The following ANKS6 variants were observed in gnomAD, a reference collection of about 807,000 sequenced individuals.
ANKS6 encodes ankyrin repeat and sterile alpha motif domain containing 6, also known as ankyrin repeat and SAM domain-containing protein 6.
In ANKS6, 47 loss-of-function variants were observed where a neutral mutation model predicts 77.9. The ratio of observed to expected loss-of-function variants is 0.60; its 90% CI spans 0.48 to 0.77. The LOEUF is 0.77. ANKS6 is among the 30% of genes least tolerant of loss of function. The pLI is 0.00. For missense variants in ANKS6, 1,150 were observed against 1,159.1 expected, an observed-to-expected ratio of 0.99 and a Z score of 0.11; for synonymous variants, 488 against 501.7, an observed-to-expected ratio of 0.97 and a Z score of 0.37.
In ANKS6 at chr9:98,774,048, C is replaced by T. The variant is rs751375359; in HGVS notation, c.1650G>A (p.Pro550=). ...LRNGAPLTRL[P]SDKLKAVIPP... ...GGATGACTGCTTTCAGCTTGTCACT[C>T]GGGAGTCTGGTGAGGGGAGCTCCGT... Residue 550 remains proline, a synonymous_variant, in exon 9 of 15, where the codon CCG becomes CCA. Transcript: ENST00000353234. 1.0e-5 allele frequency: 16 copies of T among 1,546,852 alleles called. No homozygotes were observed. Among genetic ancestry groups the T allele is most frequent in the South Asian group, 9.7e-5 (8 of 82,228 alleles).
intron 13 of ANKS6, among the ~76,000 whole-genome samples, chr9:98,748,643 A>C (rs1357734396): frequency 2.0e-5 from 3 of 152,136 alleles, no homozygotes; most frequent in Admixed American, 6.5e-5. Context: ...CAGTAGCCAT[A>C]TTGGACTTTG....
rs1409563484 is a variant in ANKS6 at position 98,732,574 on chromosome 9, G to A, written c.*3945C>T. ...CATGGCTACGTCAGGGCAGAAGGGA[G>A]AGAAGAAAGAGAGATGAGAGATGAA... On this transcript the variant is annotated 3_prime_UTR_variant, in exon 15 of 15. Coordinates refer to ENST00000353234, the MANE Select transcript of ANKS6 (RefSeq NM_173551.5). The A allele has an allele frequency of 5.2e-6, 8 of 1,550,440 alleles. No individual in the cohort carries two copies. The Admixed American group carries it at 1.6e-4, about 30-fold the overall frequency.
chr9:98,734,671 C>T lies in ANKS6; in HGVS notation c.*1848G>A. ...GCTGTTTAACTGGCAAGCTGCTTCCCTCTCCTAAGCATCCGTTTCCCGAAT... is the reference window on the plus strand; with the variant it reads ...GCTGTTTAACTGGCAAGCTGCTTCCTTCTCCTAAGCATCCGTTTCCCGAAT... On this transcript the variant is annotated 3_prime_UTR_variant, in exon 15 of 15. Transcript: ENST00000353234. The T allele has an allele frequency of 1.1e-6, 1 of 932,620 alleles. No individual in the cohort carries two copies. Among genetic ancestry groups the T allele is most frequent in the Non-Finnish European group, 1.3e-6 (1 of 781,996 alleles). The allele number at this position is 932,620 out of a possible 1,614,324, so 57.8% of individuals were successfully genotyped here.
At chr9:98,745,386 A>C (rs1300080286) in intron 14 of ANKS6, among the ~76,000 whole-genome samples, 173 bp downstream of exon 14, 4 of 152,188 alleles carry the variant, frequency 2.6e-5, no homozygotes, top group Non-Finnish European at 4.4e-5. Context: ...TTTCAGCTCT[A>C]TCTGGGGAGA....
intron 1 of ANKS6, among the ~76,000 whole-genome samples, chr9:98,794,093 T>C (rs1469663214): frequency 1.5e-5 from 2 of 135,410 alleles, no homozygotes; most frequent in South Asian, 2.2e-4. Context: ...GAGGTTGCAG[T>C]GAGTCGAGAT....
chr9:98,788,453 T>C (rs1004959589), intron 2 of ANKS6, among the ~76,000 whole-genome samples: 1 of 152,086 alleles, frequency 6.6e-6, no homozygotes, highest in Non-Finnish European at 1.5e-5. Context: ...GAAGGGCAGA[T>C]CCTTTCCCCA....
chr9:98,778,511 A>G lies in ANKS6; in HGVS notation c.1369-87T>C, dbSNP rs549933443. 1.1e-5 allele frequency: 14 copies of G among 1,294,986 alleles called. No individual in the cohort carries two copies. The South Asian group carries it at 1.5e-4, about 14-fold the overall frequency. The allele number at this position is 1,294,986 out of a possible 1,614,324, so 80.2% of individuals were successfully genotyped here. On this transcript the variant is annotated intron_variant, in intron 6 of 14. Coordinates refer to ENST00000353234, the MANE Select transcript of ANKS6 (RefSeq NM_173551.5). ...ACCTGCCAGCCCAGAGACAGTGACT[A>G]CATTCACATGTGCCTGCCCTCCCCT...
intron 4 of ANKS6, among the ~76,000 whole-genome samples, chr9:98,783,226 C>T (rs553512284): frequency 6.6e-6 from 1 of 152,186 alleles, no homozygotes; most frequent in South Asian, 2.1e-4. Flanking sequence ...TAAATCAGGA[C>T]ATCTCCATTG....
intron 14 of ANKS6, among the ~76,000 whole-genome samples, chr9:98,737,483 C>CA (rs1243995358): frequency 7.4e-5 from 11 of 148,090 alleles, no homozygotes; most frequent in Non-Finnish European, 1.3e-4. Flanking sequence ...ATAATAGCTG[C>CA]AAAAAAATAA....
chr9:98,738,591 A>C (rs1451271029), intron 14 of ANKS6, among the ~76,000 whole-genome samples: 1 of 152,092 alleles, frequency 6.6e-6, no homozygotes, highest in Non-Finnish European at 1.5e-5. Context: ...TAAAAAAAAA[A>C]ACAGTAGATG....
At chr9:98,759,864 A>G (rs1371000925) in intron 11 of ANKS6, among the ~76,000 whole-genome samples, 1 of 152,208 alleles carries the variant, frequency 6.6e-6, no homozygotes, top group Non-Finnish European at 1.5e-5. Context: ...GAGATTTGTT[A>G]AAAGGATACA....
chr9:98,784,350 G>A (rs908378974), intron 3 of ANKS6, 193 bp from the exon 4 acceptor site: 2 of 497,470 alleles, frequency 4.0e-6, no homozygotes, highest in Non-Finnish European at 7.0e-6. Context: ...GCGAGACAGA[G>A]ACAAACACAC....
intron 2 of ANKS6, among the ~76,000 whole-genome samples, chr9:98,787,053 C>T (rs999893855): frequency 2.6e-5 from 4 of 152,246 alleles, no homozygotes; most frequent in African/African-American, 9.6e-5. Context: ...ATGACAGTTA[C>T]AGCATCAAAA....
At position 98,768,256 on chromosome 9, in the gene ANKS6, G is replaced by A. The variant is rs779317441; in HGVS notation, c.1973-6C>T. ...GACATTGTCTATGCTGCCACCTGAG[G>A]AAACACAAAATGAGTGAACACCATG... is the stretch of plus-strand genomic sequence containing the variant. On this transcript the variant is annotated splice_polypyrimidine_tract_variant and splice_region_variant and intron_variant, in intron 10 of 14. Coordinates refer to ENST00000353234, the MANE Select transcript of ANKS6 (RefSeq NM_173551.5). 1.9e-6 allele frequency: 3 copies of A among 1,613,886 alleles called. No individual in the cohort carries two copies. Among genetic ancestry groups the A allele is most frequent in the Admixed American group, 3.3e-5 (2 of 60,028 alleles).
intron 2 of ANKS6, 68 bp downstream of exon 2, chr9:98,790,035 TC>T (rs1834805925): frequency 6.0e-6 from 9 of 1,503,748 alleles, no homozygotes; most frequent in Non-Finnish European, 7.1e-6. Flanking sequence ...AGTAGAGCAA[TC>T]CTCAGCTTAA....
intron 14 of ANKS6, among the ~76,000 whole-genome samples, chr9:98,736,893 C>G (rs893702048): frequency 1.3e-5 from 2 of 152,160 alleles, no homozygotes; most frequent in Non-Finnish European, 2.9e-5. Flanking sequence ...GAGGCCGAGT[C>G]CGGGGCAGGA....
At chr9:98,769,558 T>A (rs1833510962) in intron 10 of ANKS6, among the ~76,000 whole-genome samples, 1 of 152,120 alleles carries the variant, frequency 6.6e-6, no homozygotes, top group South Asian at 2.1e-4. Context: ...TATATATGTA[T>A]CAACATAAAA....
At chr9:98,762,380 A>G (rs1050251982) in intron 11 of ANKS6, among the ~76,000 whole-genome samples, 5 of 152,122 alleles carry the variant, frequency 3.3e-5, no homozygotes, top group African/African-American at 1.2e-4. Flanking sequence ...GAACAGATAT[A>G]GTTTTGTTTC....
At chr9:98,783,734 G>T in intron 4 of ANKS6, 1 of 406,488 alleles carries the variant, frequency 2.5e-6, no homozygotes, top group Non-Finnish European at 4.2e-6. Flanking sequence ...CAGGGCCATT[G>T]TGAAATTCTG....
Sources: gnomAD v4.1 joint callset for allele counts (sites outside exome capture counted in the v4.1 genomes callset) on GRCh38, gnomAD v4.1.1 for gene constraint, MANE v1.5 for transcripts, NCBI Gene and HGNC (gene_info 2026-07-23, HGNC 2026-07-21) for gene names.